COPG1: variants seen among roughly 807,000 people sequenced by gnomAD.
COPG1 encodes the protein coat protein complex I subunit gamma 1, also known as coatomer subunit gamma-1.
A neutral mutation model predicts 102.8 loss-of-function variants in COPG1; 29 were observed. The observed-to-expected ratio is 0.28, with a 90% CI of 0.21 to 0.38. The LOEUF is 0.38. COPG1 is among the 10% of genes least tolerant of loss of function. The pLI is 1.00. For synonymous variants in COPG1, 406 were observed against 421.6 expected (o/e 0.96, Z 0.45); for missense variants, 875 against 1,132.7 (o/e 0.77, Z 3.27).
intron 5 of COPG1, chr3:129,254,190 G>A: frequency 6.5e-6 from 1 of 153,042 alleles, no homozygotes; most frequent in Non-Finnish European, 1.5e-5. Context: ...CCAGCTGCTG[G>A]GGAGGCTGAG....
chr3:129,256,886 A>G (rs1282452955), intron 8 of COPG1, among the ~76,000 whole-genome samples: 1 of 152,234 alleles, frequency 6.6e-6, no homozygotes, highest in African/African-American at 2.4e-5. Context: ...TTAGGAAACA[A>G]AAGAGAGTAT....
intron 6 of COPG1, 74 bp from the exon 7 acceptor site, chr3:129,254,911 C>T (rs941711032): frequency 1.6e-5 from 21 of 1,306,666 alleles, no homozygotes; most frequent in Non-Finnish European, 2.1e-5. Flanking sequence ...CTCATCTCTG[C>T]CCCCATTCCT....
In COPG1 at chr3:129,268,977, C is replaced by A. The variant is rs1201380374; in HGVS notation, c.1820C>A (p.Ala607Asp). Residue 607 changes from alanine to aspartate, a missense_variant, in exon 18 of 24, where the codon GCT becomes GAT. Transcript: ENST00000314797. ...GTCAAACAGCCTGAGAAAGTGGCAG[C>A]TACCAGGCAGGAGATCTTCCAGGGT... ...TAVKQPEKVA[A>D]TRQEIFQEQL... 9 of 1,614,008 alleles carry A rather than the reference C, an allele frequency of 5.6e-6. No homozygotes were observed. The highest frequency in any genetic ancestry group is 7.6e-6 in the Non-Finnish European group (9 of 1,180,004).
rs146786532 is a variant in COPG1, at chr3:129,269,968, C to T, written c.1843+968C>T. Among the ~76,000 whole-genome samples the T allele has an allele frequency of 2.5e-4, 37 of 149,736 alleles. No homozygotes were observed. The East Asian group carries it at 5.9e-3, about 24-fold the overall frequency. ...CTAGAGGTGGCCCGTATCCTTGGCT[C>T]GTGGCCCCTTCCACCGTCTTTAAGG... On this transcript the variant is annotated intron_variant, in intron 18 of 23. Coordinates refer to ENST00000314797, the MANE Select transcript of COPG1 (RefSeq NM_016128.4).
At chr3:129,251,734 G>A (rs2107672139) in intron 2 of COPG1, among the ~76,000 whole-genome samples, 1 of 148,974 alleles carries the variant, frequency 6.7e-6, no homozygotes, top group East Asian at 2.0e-4. Context: ...TCAGCCTGGG[G>A]TGGAGTGCAA....
intron 14 of COPG1, among the ~76,000 whole-genome samples, 182 bp downstream of exon 14, chr3:129,265,974 GT>G (rs201720490): frequency 0.076 from 11,545 of 151,170 alleles, 511 homozygotes; most frequent in Middle Eastern, 0.2. Flanking sequence ...TTTGTTTTTT[GT>G]TTTGTTTTTT....
chr3:129,255,623 C>G (rs1399990784), intron 7 of COPG1, among the ~76,000 whole-genome samples: 2 of 151,918 alleles, frequency 1.3e-5, no homozygotes, highest in Non-Finnish European at 2.9e-5. Flanking sequence ...GCTGAGATTG[C>G]AGGTGTGCAC....
At chr3:129,249,961 G>A (rs1012992146) in intron 1 of COPG1, among the ~76,000 whole-genome samples, 2 of 134,788 alleles carry the variant, frequency 1.5e-5, no homozygotes, top group African/African-American at 6.9e-5. Flanking sequence ...GGTGACCTTG[G>A]GCGCGACAAA....
chr3:129,267,606 C>T (rs751582033), intron 15 of COPG1, among the ~76,000 whole-genome samples: 4 of 151,744 alleles, frequency 2.6e-5, no homozygotes, highest in Non-Finnish European at 5.9e-5. Context: ...GGTGACAGAG[C>T]GAGACTCCAG....
At chr3:129,266,417 C>A (rs536347301) in intron 14 of COPG1, among the ~76,000 whole-genome samples, 7 of 152,070 alleles carry the variant, frequency 4.6e-5, no homozygotes, top group Non-Finnish European at 8.8e-5. Context: ...AGCCACTGTG[C>A]CTTGCCTTAA....
At chr3:129,266,797 C>G (rs1019893494) in intron 14 of COPG1, among the ~76,000 whole-genome samples, 1 of 152,150 alleles carries the variant, frequency 6.6e-6, no homozygotes, top group Non-Finnish European at 1.5e-5. Context: ...CTACTAATCC[C>G]ATCTGGCGCC....
intron 19 of COPG1, 136 bp downstream of exon 19, chr3:129,272,045 C>A: frequency 9.0e-7 from 1 of 1,115,912 alleles, no homozygotes. Flanking sequence ...CTGTCCCCAA[C>A]AGGTCGGTCT....
intron 1 of COPG1, among the ~76,000 whole-genome samples, 184 bp from the exon 2 acceptor site, chr3:129,250,498 G>A (rs189639368): frequency 1.4e-4 from 21 of 152,310 alleles, no homozygotes; most frequent in African/African-American, 5.1e-4. Flanking sequence ...GGGTAGAGTG[G>A]AGCCCACCTG....
At chr3:129,253,571 A>G (rs949930940) in intron 5 of COPG1, among the ~76,000 whole-genome samples, 1 of 152,222 alleles carries the variant, frequency 6.6e-6, no homozygotes, top group Non-Finnish European at 1.5e-5. Flanking sequence ...GGTGTAATAT[A>G]GTTTATCACG....
chr3:129,252,908 C>T lies in COPG1; in HGVS notation c.276C>T (p.Ile92=), dbSNP rs73202214. 1.7e-3 allele frequency: 2,713 copies of T among 1,614,176 alleles called. 9 individuals are homozygous for T. Among genetic ancestry groups the T allele is most frequent in the Middle Eastern group, 9.7e-3 (59 of 6,060 alleles). The change falls in exon 5 of 24, where the codon ATC becomes ATT. Residue 92 remains isoleucine (I), a synonymous_variant. Coordinates refer to ENST00000314797, the MANE Select transcript of COPG1 (RefSeq NM_016128.4). ...TCCGTCGGATGTGCTACTTGACCAT[C>T]AAGGAGATGTCTTGCATTGCAGAGG... is the stretch of plus-strand genomic sequence containing the variant. ...PTLRRMCYLT[I]KEMSCIAEDV...
rs1373945411 is a variant in COPG1, at chr3:129,257,801, C to T, written c.812C>T (p.Ala271Val). Residue 271 changes from alanine (A) to valine (V), a missense_variant, in exon 10 of 24, where the codon GCC (alanine) becomes GTC (valine). By Grantham distance (64) the Ala-to-Val change is moderately conservative. Transcript: ENST00000314797. ...CACGAGATGGTGGTGTATGAAGCCG[C>T]CTCGGCCATCGTCAATCTGCCAGGC... ...NKHEMVVYEA[A>V]SAIVNLPGCS... is the part of the protein sequence containing the mutation. 2.5e-6 allele frequency: 4 copies of T among 1,614,176 alleles called. No individual in the cohort carries two copies. In the East Asian group the frequency reaches 8.9e-5, roughly 36 times the overall value.
In COPG1 at chr3:129,277,364, G is replaced by C. The variant is rs1399777491; in HGVS notation, c.2565G>C (p.Gln855His). 1 of 1,613,926 alleles carries C rather than the reference G, an allele frequency of 6.2e-7. No homozygotes were observed. The highest frequency in any genetic ancestry group is 1.3e-5 in the African/African-American group (1 of 74,866). ...RLLLLDTVTM[Q>H]VTARSLEELP... ...TGCTTTTGGACACAGTGACAATGCA[G>C]GTGACAGCCAGAAGTTTGGAGGAGC... Residue 855 changes from glutamine to histidine, a missense_variant, in exon 24 of 24, where the codon CAG (glutamine) becomes CAC (histidine). Physicochemically the swap from Gln to His is conservative, Grantham distance 24. Transcript: ENST00000314797.
At chr3:129,266,464 T>G (rs759976869) in intron 14 of COPG1, among the ~76,000 whole-genome samples, 5 of 152,096 alleles carry the variant, frequency 3.3e-5, no homozygotes, top group African/African-American at 4.8e-5. Flanking sequence ...ATGTTGATGT[T>G]TAGCTAAAAA....
In COPG1 at chr3:129,256,158, A is replaced by G. The variant is rs1939804574; in HGVS notation, c.579+4A>G. On this transcript the variant is annotated splice_donor_region_variant and intron_variant, in intron 8 of 23. Transcript: ENST00000314797. Reference sequence around the variant, plus strand: ...CAGTGATAACATCATGGTCCAGGTGAGATGTGAGCAAGGGAGTGATATTTA... The same window carrying G: ...CAGTGATAACATCATGGTCCAGGTGGGATGTGAGCAAGGGAGTGATATTTA... The G allele has an allele frequency of 6.2e-7, 1 of 1,612,812 alleles. No homozygotes were observed. The highest frequency in any genetic ancestry group is 8.5e-7 in the Non-Finnish European group (1 of 1,179,082).
Sources: gnomAD v4.1 joint callset for allele counts (sites outside exome capture counted in the v4.1 genomes callset) on GRCh38, gnomAD v4.1.1 for gene constraint, MANE v1.5 for transcripts, NCBI Gene and HGNC (gene_info 2026-07-23, HGNC 2026-07-21) for gene names.